GPC6: variants seen among roughly 807,000 people sequenced by gnomAD.
GPC6 encodes the protein glypican 6.
A neutral mutation model predicts 55.2 loss-of-function variants in GPC6; 14 were observed. The observed-to-expected ratio is 0.25, with a 90% CI of 0.17 to 0.40. The LOEUF (loss-of-function observed/expected upper bound fraction) is 0.40, where lower values mean the gene tolerates loss of function less well. Ranked by LOEUF, GPC6 falls within the 10% of genes least tolerant of loss-of-function variation. The pLI is 1.00. For synonymous variants in GPC6, 278 were observed against 259.6 expected, an observed-to-expected ratio of 1.07 and a Z score of -0.68; for missense variants, 641 against 708.5, an observed-to-expected ratio of 0.90 and a Z score of 1.08.
chr13:94,202,057 G>A (rs944502194), intron 4 of GPC6, among the ~76,000 whole-genome samples: 10 of 152,084 alleles, frequency 6.6e-5, no homozygotes, highest in African/African-American at 2.4e-4. Context: ...CACTCCCCTG[G>A]CATTTATGTA....
At chr13:93,711,750 A>G (rs891945754) in intron 2 of GPC6, among the ~76,000 whole-genome samples, 1 of 151,738 alleles carries the variant, frequency 6.6e-6, no homozygotes, top group Non-Finnish European at 1.5e-5. Flanking sequence ...TGACAAGACC[A>G]CTGGATACTG....
intron 3 of GPC6, among the ~76,000 whole-genome samples, chr13:93,891,831 A>G (rs1022652973): frequency 6.6e-6 from 1 of 151,692 alleles, no homozygotes; most frequent in Admixed American, 6.6e-5. Context: ...TACACATACT[A>G]TATGTGTGTG....
intron 2 of GPC6, among the ~76,000 whole-genome samples, chr13:93,589,745 A>C (rs1877377043): frequency 6.6e-6 from 1 of 152,198 alleles, no homozygotes; most frequent in South Asian, 2.1e-4. Flanking sequence ...TGACCCTAAA[A>C]TCAAGAAATT....
chr13:93,937,209 C>T (rs1016147192), intron 3 of GPC6, among the ~76,000 whole-genome samples: 5 of 152,192 alleles, frequency 3.3e-5, no homozygotes, highest in Admixed American at 3.3e-4. Flanking sequence ...ACCTAGATGT[C>T]AAACTGTTGT....
intron 3 of GPC6, among the ~76,000 whole-genome samples, chr13:93,908,045 G>A (rs953469307): frequency 1.3e-5 from 2 of 152,108 alleles, no homozygotes; most frequent in African/African-American, 4.8e-5. Context: ...TGGGAGACAG[G>A]AAGTGGCTAT....
intron 1 of GPC6, among the ~76,000 whole-genome samples, chr13:93,406,131 A>G (rs1260385866): frequency 6.6e-6 from 1 of 152,244 alleles, no homozygotes; most frequent in Non-Finnish European, 1.5e-5. Flanking sequence ...TGTTTGGTGA[A>G]GTAGACTCTG....
intron 4 of GPC6, among the ~76,000 whole-genome samples, chr13:94,204,993 A>G (rs990724134): frequency 6.6e-6 from 1 of 152,180 alleles, no homozygotes; most frequent in African/African-American, 2.4e-5. Context: ...AATATTCTTA[A>G]CCCTGGATCA....
At chr13:93,957,594 A>G (rs746381076) in intron 3 of GPC6, among the ~76,000 whole-genome samples, 31 of 152,192 alleles carry the variant, frequency 2.0e-4, no homozygotes, top group Non-Finnish European at 2.8e-4. Flanking sequence ...CATGGTATAT[A>G]TGTACCACAG....
chr13:93,455,051 G>C (rs964503849), intron 1 of GPC6, among the ~76,000 whole-genome samples: 1 of 152,192 alleles, frequency 6.6e-6, no homozygotes, highest in African/African-American at 2.4e-5. Flanking sequence ...TTATTGCCCG[G>C]AGCCGGCAGG....
intron 1 of GPC6, among the ~76,000 whole-genome samples, chr13:93,461,946 A>C (rs1042448236): frequency 6.6e-6 from 1 of 152,222 alleles, no homozygotes; most frequent in Non-Finnish European, 1.5e-5. Context: ...ATGAAGGAAC[A>C]TAAGAAATTT....
chr13:93,458,123 T>C (rs1270773726), intron 1 of GPC6, among the ~76,000 whole-genome samples: 1 of 152,188 alleles, frequency 6.6e-6, no homozygotes, highest in Non-Finnish European at 1.5e-5. Context: ...TGTGTATGGG[T>C]CTTTCTCAGA....
intron 2 of GPC6, among the ~76,000 whole-genome samples, chr13:93,678,303 A>G (rs1594365307): frequency 6.6e-6 from 1 of 152,208 alleles, no homozygotes; most frequent in Non-Finnish European, 1.5e-5. Flanking sequence ...TCCATTCCAT[A>G]GATATAGCAT....
At chr13:94,297,009 C>A (rs551468784) in intron 5 of GPC6, among the ~76,000 whole-genome samples, 43 of 151,990 alleles carry the variant, frequency 2.8e-4, no homozygotes, top group Admixed American at 5.2e-4. Context: ...TTATTATTAA[C>A]AATGTGTTTG....
At chr13:94,198,769 C>T (rs1406088756) in intron 4 of GPC6, among the ~76,000 whole-genome samples, 1 of 152,200 alleles carries the variant, frequency 6.6e-6, no homozygotes, top group Non-Finnish European at 1.5e-5. Flanking sequence ...GATTTCACTG[C>T]TCTGACAAGT....
chr13:93,605,171 T>C lies in GPC6; in HGVS notation c.319+59750T>C, dbSNP rs542309731. Among the ~76,000 whole-genome samples, 10 of 152,316 alleles carry C rather than the reference T, an allele frequency of 6.6e-5. 1 individual carries two copies. The South Asian group carries it at 1.0e-3, about 16-fold the overall frequency. ...ATCCAGTTGGTTTCTGCACAGATTA[T>C]AGTGTAATGAAAAATACCTATTAAC... is the stretch of plus-strand genomic sequence containing the variant. On this transcript the variant is annotated intron_variant, in intron 2 of 8. Coordinates refer to ENST00000377047, the MANE Select transcript of GPC6 (RefSeq NM_005708.5).
At chr13:94,197,645 C>A (rs1270568752) in intron 4 of GPC6, among the ~76,000 whole-genome samples, 1 of 152,132 alleles carries the variant, frequency 6.6e-6, no homozygotes, top group Non-Finnish European at 1.5e-5. Context: ...AAGGCCCTAT[C>A]TCCAAATACA....
At position 93,660,965 on chromosome 13, in the gene GPC6, A is replaced by G. The variant is rs998532559; in HGVS notation, c.319+115544A>G. 2.0e-5 allele frequency among the ~76,000 whole-genome samples: 3 copies of G among 152,172 alleles called. No individual in the cohort carries two copies. In the East Asian group the frequency reaches 5.8e-4, roughly 29 times the overall value. On this transcript the variant is annotated intron_variant, in intron 2 of 8. Transcript: ENST00000377047. ...CCTATGGGAGCAAGGGTTGGGTTCA[A>G]TGGAGGAAATATAGAGCACAGTCTC...
chr13:93,776,444 C>T (rs1256240391), intron 2 of GPC6, among the ~76,000 whole-genome samples: 3 of 152,066 alleles, frequency 2.0e-5, no homozygotes, highest in Non-Finnish European at 4.4e-5. Flanking sequence ...GATTTGAACC[C>T]ACACTCTCTT....
At chr13:93,302,060 G>T (rs1177527397) in intron 1 of GPC6, among the ~76,000 whole-genome samples, 1 of 152,134 alleles carries the variant, frequency 6.6e-6, no homozygotes, top group Non-Finnish European at 1.5e-5. Flanking sequence ...TTGGGTCACT[G>T]TATATTTTTC....
Sources: allele counts gnomAD v4.1 joint callset (sites outside exome capture counted in the v4.1 genomes callset), GRCh38; gene constraint gnomAD v4.1.1; transcripts MANE v1.5; gene names NCBI Gene and HGNC (gene_info 2026-07-23, HGNC 2026-07-21).